Variants in PTN observed in about 807,000 individuals in gnomAD.
PTN encodes heparin affin regulatory protein.
A neutral mutation model predicts 24.1 loss-of-function variants in PTN; 18 were observed. The ratio of observed to expected loss-of-function variants is 0.75; its 90% CI spans 0.52 to 1.11. The LOEUF (loss-of-function observed/expected upper bound fraction) is 1.11, where lower values mean the gene tolerates loss of function less well. Ranked by LOEUF, PTN falls within the 50% of genes least tolerant of loss-of-function variation. The pLI is 0.00. For missense variants in PTN, 163 were observed against 198.8 expected, an observed-to-expected ratio of 0.82 and a Z score of 1.08; for synonymous variants, 78 against 68.6, an observed-to-expected ratio of 1.14 and a Z score of -0.67.
At position 137,269,903 on chromosome 7, in the gene PTN, T is replaced by C. The variant is rs536765736; in HGVS notation, c.-1-14929A>G. ...ACCTCTCCCTCCCAAAGTGCTGGGATTACAGGCGTGAGCCACCGCGCCCAG... is the reference window on the plus strand; with the variant it reads ...ACCTCTCCCTCCCAAAGTGCTGGGACTACAGGCGTGAGCCACCGCGCCCAG... On this transcript the variant is annotated intron_variant, in intron 1 of 4. Coordinates refer to ENST00000348225, the MANE Select transcript of PTN (RefSeq NM_002825.7). Among the ~76,000 whole-genome samples the C allele has an allele frequency of 6.6e-5, 10 of 152,102 alleles. No homozygotes were observed. In the South Asian group the frequency reaches 1.0e-3, roughly 16 times the overall value.
In PTN at chr7:137,275,515, T is replaced by C. The variant is rs553035772; in HGVS notation, c.-1-20541A>G. 2.0e-5 allele frequency among the ~76,000 whole-genome samples: 3 copies of C among 152,288 alleles called. No homozygotes were observed. The South Asian group carries it at 6.2e-4, about 32-fold the overall frequency. ...CATTAAGAGGATTCAGCCAATAAGA[T>C]TATATACCACATCTTTGTGCGAGAC... On this transcript the variant is annotated intron_variant, in intron 1 of 4. Coordinates refer to ENST00000348225, the MANE Select transcript of PTN (RefSeq NM_002825.7).
At chr7:137,273,901 T>C (rs1349756326) in intron 1 of PTN, among the ~76,000 whole-genome samples, 2 of 152,184 alleles carry the variant, frequency 1.3e-5, no homozygotes, top group African/African-American at 4.8e-5. Flanking sequence ...GTTATTGTCC[T>C]GGTTTGTCTT....
rs566641758 is a variant in PTN, at chr7:137,328,526, G to A, written c.-2+14913C>T. 2.6e-5 allele frequency among the ~76,000 whole-genome samples: 4 copies of A among 152,240 alleles called. No homozygotes were observed. In the South Asian group the frequency reaches 6.2e-4, roughly 24 times the overall value. On this transcript the variant is annotated intron_variant, in intron 1 of 4. Coordinates refer to ENST00000348225, the MANE Select transcript of PTN (RefSeq NM_002825.7). ...TCCTTTGGTCCCTATTGTATGTTCA[G>A]CTGCACTGGAGCTAGCTGCTAATCA...
intron 4 of PTN, among the ~76,000 whole-genome samples, chr7:137,244,480 A>C (rs1808689190): frequency 6.8e-6 from 1 of 147,826 alleles, no homozygotes; most frequent in Non-Finnish European, 1.5e-5. Flanking sequence ...TGCTGCACCC[A>C]TTAACTTGTC....
chr7:137,229,443 T>C (rs912577072), intron 4 of PTN, among the ~76,000 whole-genome samples: 1 of 151,758 alleles, frequency 6.6e-6, no homozygotes, highest in Non-Finnish European at 1.5e-5. Context: ...CTAGAAATAT[T>C]GTATATTTCT....
intron 1 of PTN, among the ~76,000 whole-genome samples, chr7:137,267,678 C>G (rs1809181034): frequency 6.6e-6 from 1 of 152,070 alleles, no homozygotes; most frequent in African/African-American, 2.4e-5. Context: ...TGACCCGTGT[C>G]TCCTCGAGAC....
At chr7:137,290,126 A>C (rs1410953223) in intron 1 of PTN, among the ~76,000 whole-genome samples, 1 of 152,106 alleles carries the variant, frequency 6.6e-6, no homozygotes, top group African/African-American at 2.4e-5. Flanking sequence ...AAAAAGAGAG[A>C]GCTCCTACAG....
At chr7:137,238,013 T>G (rs1808554144) in intron 4 of PTN, among the ~76,000 whole-genome samples, 1 of 152,206 alleles carries the variant, frequency 6.6e-6, no homozygotes, top group African/African-American at 2.4e-5. Context: ...TAGAACAATT[T>G]TACTTCCTTC....
intron 4 of PTN, among the ~76,000 whole-genome samples, chr7:137,231,482 T>C (rs1278030247): frequency 1.3e-5 from 2 of 151,920 alleles, no homozygotes; most frequent in Non-Finnish European, 2.9e-5. Flanking sequence ...TCATTGTGCC[T>C]CCCATTGATT....
At chr7:137,238,817 T>C (rs2128868704) in intron 4 of PTN, among the ~76,000 whole-genome samples, 1 of 152,258 alleles carries the variant, frequency 6.6e-6, no homozygotes, top group Non-Finnish European at 1.5e-5. Flanking sequence ...TGTCATATCA[T>C]AAATACTCAA....
intron 1 of PTN, among the ~76,000 whole-genome samples, chr7:137,285,762 C>G (rs1809543910): frequency 6.6e-6 from 1 of 152,188 alleles, no homozygotes; most frequent in Non-Finnish European, 1.5e-5. Flanking sequence ...AGTGTAAATC[C>G]AGCAACTTCA....
intron 1 of PTN, among the ~76,000 whole-genome samples, chr7:137,306,569 G>GA (rs1189968060): frequency 1.3e-5 from 2 of 151,852 alleles, no homozygotes; most frequent in African/African-American, 2.4e-5. Context: ...GAAACCCTTT[G>GA]AAAAAATGCC....
chr7:137,246,661 T>C (rs1808728504), intron 4 of PTN, among the ~76,000 whole-genome samples: 2 of 152,192 alleles, frequency 1.3e-5, no homozygotes, highest in East Asian at 3.9e-4. Flanking sequence ...ATTGATTTTC[T>C]CTGTCCTCAT....
At chr7:137,327,256 T>C (rs1453352359) in intron 1 of PTN, among the ~76,000 whole-genome samples, 1 of 152,222 alleles carries the variant, frequency 6.6e-6, no homozygotes, top group Non-Finnish European at 1.5e-5. Context: ...TTCTCTGTTG[T>C]GGAGAACCTT....
At chr7:137,267,183 TCTGA>T (rs964970145) in intron 1 of PTN, among the ~76,000 whole-genome samples, 2 of 152,206 alleles carry the variant, frequency 1.3e-5, no homozygotes, top group African/African-American at 4.8e-5. Context: ...TGTCTCTCTC[TCTGA>T]CTTTCCTTTT....
rs112340791 is a variant in PTN, at chr7:137,318,072, G to A, written c.-2+25367C>T. On this transcript the variant is annotated intron_variant, in intron 1 of 4. Transcript: ENST00000348225. ...ACTTGAAGCCAGGAGTTTGAGACCA[G>A]CCTGACCAATATAGTGAAACCTCAT... is the stretch of plus-strand genomic sequence containing the variant. Among the ~76,000 whole-genome samples the A allele has an allele frequency of 3.8e-3, 583 of 152,234 alleles. 4 individuals carry two copies. The highest frequency in any genetic ancestry group is 0.013 in the African/African-American group (534 of 41,538).
chr7:137,243,974 T>C (rs1387737304), intron 4 of PTN, among the ~76,000 whole-genome samples: 1 of 152,174 alleles, frequency 6.6e-6, no homozygotes, highest in African/African-American at 2.4e-5. Context: ...CGGAGATTCT[T>C]TGAACTATAT....
chr7:137,231,706 G>A (rs1257297088), intron 4 of PTN, among the ~76,000 whole-genome samples: 1 of 151,910 alleles, frequency 6.6e-6, no homozygotes, highest in East Asian at 1.9e-4. Context: ...ATAGAAAAGA[G>A]TATTTCTCAA....
intron 4 of PTN, among the ~76,000 whole-genome samples, chr7:137,243,378 G>GGT (rs1188888381): frequency 1.3e-5 from 2 of 152,138 alleles, no homozygotes; most frequent in Non-Finnish European, 2.9e-5. Flanking sequence ...TCTGTACAAT[G>GGT]GTGTACTCAA....
Sources: allele counts gnomAD v4.1 joint callset (sites outside exome capture counted in the v4.1 genomes callset), GRCh38; gene constraint gnomAD v4.1.1; transcripts MANE v1.5; gene names NCBI Gene and HGNC (gene_info 2026-07-23, HGNC 2026-07-21).